SCP2: variants seen among roughly 807,000 people sequenced by gnomAD.
SCP2 encodes SCP-2/3-oxoacyl-CoA thiolase.
In SCP2, 48 loss-of-function variants were observed where a neutral mutation model predicts 71.4. The observed-to-expected ratio is 0.67, with a 90% CI of 0.53 to 0.86. The LOEUF (loss-of-function observed/expected upper bound fraction) is 0.86. Among genes scored for constraint, SCP2 ranks in the 40% least tolerant of loss-of-function variants. The pLI, the probability that SCP2 is intolerant of heterozygous loss-of-function variation, is 0.00. For synonymous variants in SCP2, 220 were observed against 218.1 expected (o/e 1.01, Z -0.08); for missense variants, 560 against 655.6 (o/e 0.85, Z 1.59).
intron 6 of SCP2, among the ~76,000 whole-genome samples, chr1:52,967,014 C>T (rs150809936): frequency 0.037 from 5,685 of 151,972 alleles, 113 homozygotes; most frequent in African/African-American, 0.061. Flanking sequence ...ATGGTGAAAC[C>T]CTGTCTCTAC....
chr1:52,962,966 AG>A lies in SCP2; in HGVS notation c.523+1338del, dbSNP rs1445538940. Reference sequence around the variant, plus strand: ...CCAACCAGAATATAAGTTCAACAAAAGCATGGATTTTTATTTGTCTTATTTC... The same window carrying A: ...CCAACCAGAATATAAGTTCAACAAAACATGGATTTTTATTTGTCTTATTTC... On this transcript the variant is annotated intron_variant, in intron 6 of 15. Transcript: ENST00000371514. 1.2e-4 allele frequency among the ~76,000 whole-genome samples: 18 copies of A among 152,044 alleles called. No individual in the cohort carries two copies. In the East Asian group the frequency reaches 3.3e-3, roughly 28 times the overall value.
At chr1:52,938,596 T>C (rs1653944542) in intron 1 of SCP2, among the ~76,000 whole-genome samples, 1 of 152,236 alleles carries the variant, frequency 6.6e-6, no homozygotes, top group South Asian at 2.1e-4. Context: ...AAAATGCAAG[T>C]CTCGTCATCC....
intron 6 of SCP2, among the ~76,000 whole-genome samples, chr1:52,963,946 A>G (rs1016801549): frequency 2.0e-5 from 3 of 152,102 alleles, no homozygotes; most frequent in African/African-American, 7.2e-5. Context: ...TAGTTGAGGG[A>G]CATTAAGTAC....
At chr1:53,019,427 C>CA (rs1403585398) in intron 12 of SCP2, among the ~76,000 whole-genome samples, 1 of 152,124 alleles carries the variant, frequency 6.6e-6, no homozygotes, top group Non-Finnish European at 1.5e-5. Context: ...TTTTGATTTT[C>CA]AAAATGCCCC....
intron 13 of SCP2, among the ~76,000 whole-genome samples, chr1:53,037,884 A>ACGCGCGCACACG (rs147425374): frequency 1.4e-5 from 1 of 70,640 alleles, no homozygotes; most frequent in Non-Finnish European, 2.5e-5. Context: ...CTACATACAC[A>ACGCGCGCACACG]CACACACACA....
At chr1:53,028,679 T>C (rs917929990) in intron 13 of SCP2, among the ~76,000 whole-genome samples, 2 of 151,986 alleles carry the variant, frequency 1.3e-5, no homozygotes, top group African/African-American at 4.8e-5. Context: ...ACTCAGAGTT[T>C]ACTGAAATGT....
At chr1:53,025,511 C>T (rs72903123) in intron 12 of SCP2, among the ~76,000 whole-genome samples, 20,872 of 152,120 alleles carry the variant, frequency 0.14, 2,042 homozygotes, top group East Asian at 0.32. Context: ...CCCCTCTATT[C>T]CCACTACATT....
At chr1:52,981,173 C>G (rs1658457034) in intron 10 of SCP2, among the ~76,000 whole-genome samples, 1 of 152,170 alleles carries the variant, frequency 6.6e-6, no homozygotes, top group African/African-American at 2.4e-5. Context: ...CTCAGGTGAT[C>G]CACCCACCTA....
intron 4 of SCP2, among the ~76,000 whole-genome samples, chr1:52,951,998 T>C (rs1655362078): frequency 6.6e-6 from 1 of 152,082 alleles, no homozygotes; most frequent in African/African-American, 2.4e-5. Context: ...GGATTACACC[T>C]TGGCCTCACA....
intron 2 of SCP2, among the ~76,000 whole-genome samples, chr1:52,942,694 GTTTTTTT>G (rs147939561): frequency 8.3e-6 from 1 of 120,568 alleles, no homozygotes; most frequent in African/African-American, 3.2e-5. Flanking sequence ...AATTTAACAG[GTTTTTTT>G]TTTTTTTTTT....
chr1:52,948,522 G>A (rs1304579886), intron 3 of SCP2, among the ~76,000 whole-genome samples: 2 of 151,712 alleles, frequency 1.3e-5, no homozygotes, highest in African/African-American at 4.8e-5. Flanking sequence ...CTACTCAGGA[G>A]GGAGAGGCAG....
intron 1 of SCP2, among the ~76,000 whole-genome samples, chr1:52,938,881 A>G (rs11579460): frequency 0.014 from 2,124 of 152,326 alleles, 28 homozygotes; most frequent in Non-Finnish European, 0.017. Flanking sequence ...GTGTAATGAC[A>G]TGTATCCAGT....
chr1:52,998,119 A>G (rs1323611705), intron 11 of SCP2, among the ~76,000 whole-genome samples: 2 of 152,212 alleles, frequency 1.3e-5, no homozygotes, highest in Non-Finnish European at 2.9e-5. Flanking sequence ...TTGTTGAAAT[A>G]TATCAGTTTG....
intron 11 of SCP2, among the ~76,000 whole-genome samples, chr1:52,988,564 A>G (rs1351938320): frequency 6.6e-6 from 1 of 152,130 alleles, no homozygotes; most frequent in Non-Finnish European, 1.5e-5. Flanking sequence ...TTATCAGTCA[A>G]TCACTTTAAC....
chr1:52,961,422 A>G (rs1656433902), intron 5 of SCP2, 81 bp from the exon 6 acceptor site: 4 of 1,420,426 alleles, frequency 2.8e-6, no homozygotes, highest in East Asian at 2.3e-5. Flanking sequence ...GAATAAATAA[A>G]TATCTTAATA....
chr1:53,024,811 A>T (rs967204533), intron 12 of SCP2, among the ~76,000 whole-genome samples: 1 of 151,904 alleles, frequency 6.6e-6, no homozygotes, highest in Admixed American at 6.6e-5. Context: ...ACCTCAGGTG[A>T]TCCACCTGCC....
intron 1 of SCP2, among the ~76,000 whole-genome samples, chr1:52,930,146 A>G (rs994529639): frequency 2.6e-5 from 4 of 152,210 alleles, no homozygotes; most frequent in African/African-American, 9.6e-5. Context: ...TAGTCAGAAC[A>G]TGTAATTTAG....
At chr1:53,015,908 T>G (rs992058494) in intron 12 of SCP2, among the ~76,000 whole-genome samples, 7 of 152,338 alleles carry the variant, frequency 4.6e-5, no homozygotes, top group Non-Finnish European at 8.8e-5. Context: ...ATTTTCCCTA[T>G]TTACTCTCTT....
At chr1:52,972,956 G>A (rs1323971728) in intron 6 of SCP2, among the ~76,000 whole-genome samples, 1 of 152,124 alleles carries the variant, frequency 6.6e-6, no homozygotes, top group Non-Finnish European at 1.5e-5. Context: ...AGGTTGTTGT[G>A]GGAGTTCAAG....
Sources: allele counts gnomAD v4.1 joint callset (sites outside exome capture counted in the v4.1 genomes callset), GRCh38; gene constraint gnomAD v4.1.1; transcripts MANE v1.5; gene names NCBI Gene and HGNC (gene_info 2026-07-23, HGNC 2026-07-21).